The following OOEP variants were observed in gnomAD, a reference collection of about 807,000 sequenced individuals.
OOEP encodes oocyte-expressed protein homolog.
Under a neutral mutation model 13.7 loss-of-function variants are expected in OOEP, and 16 were observed. The observed-to-expected ratio is 1.16, with a 90% CI of 0.79 to 1.77. The LOEUF (loss-of-function observed/expected upper bound fraction) is 1.77, where lower values mean the gene tolerates loss of function less well. OOEP is among the 40% of genes most tolerant of loss of function. The pLI is 0.00. For missense variants in OOEP, 195 were observed against 193.1 expected (o/e 1.01, Z -0.06); for synonymous variants, 89 against 77.1 (o/e 1.15, Z -0.81).
At chr6:73,381,792 C>T (rs1008831730) in intron 2 of OOEP, among the ~76,000 whole-genome samples, 1 of 152,092 alleles carries the variant, frequency 6.6e-6, no homozygotes, top group African/African-American at 2.4e-5. Flanking sequence ...ACCAGCCTGG[C>T]CGACATGGCG....
chr6:73,394,974 G>A, exon 1 of OOEP: 1 of 1,614,274 alleles, frequency 6.2e-7, no homozygotes, highest in South Asian at 1.1e-5. Flanking sequence ...GCTCGACAGT[G>A]TCCCGAGCGC....
intron 2 of OOEP, among the ~76,000 whole-genome samples, chr6:73,390,581 C>CTTTT (rs1174507865): frequency 2.2e-5 from 3 of 135,940 alleles, no homozygotes; most frequent in Non-Finnish European, 3.2e-5. Context: ...TACCCAAAAA[C>CTTTT]TTTTTTTTTT....
chr6:73,388,106 A>C (rs1260911013), intron 2 of OOEP, among the ~76,000 whole-genome samples: 1 of 152,168 alleles, frequency 6.6e-6, no homozygotes, highest in African/African-American at 2.4e-5. Flanking sequence ...CAAACTCCTG[A>C]TCTCAGGTGA....
exon 2 of OOEP, chr6:73,394,479 C>T (rs1057081547): frequency 1.5e-5 from 10 of 653,650 alleles, no homozygotes; most frequent in Admixed American, 1.4e-4. Flanking sequence ...AACACGGCGA[C>T]ACCCCGTCTC....
chr6:73,383,004 T>G (rs1329627914), intron 2 of OOEP, among the ~76,000 whole-genome samples: 1 of 151,918 alleles, frequency 6.6e-6, no homozygotes, highest in African/African-American at 2.4e-5. Flanking sequence ...GCACGTCTAA[T>G]TTTTGTATTT....
intron 2 of OOEP, among the ~76,000 whole-genome samples, chr6:73,381,318 C>T (rs1254745724): frequency 6.6e-6 from 1 of 151,130 alleles, no homozygotes; most frequent in Non-Finnish European, 1.5e-5. Flanking sequence ...AGTTCACTCA[C>T]AAGATTTGGA....
At chr6:73,388,312 G>GACA (rs67145431) in intron 2 of OOEP, among the ~76,000 whole-genome samples, 3 of 152,162 alleles carry the variant, frequency 2.0e-5, no homozygotes, top group Non-Finnish European at 4.4e-5. Flanking sequence ...TAACAACATG[G>GACA]ATGTTTATTA....
chr6:73,369,939 G>A, upstream of OOEP: 1 of 671,538 alleles, frequency 1.5e-6, no homozygotes, highest in Non-Finnish European at 2.5e-6. Flanking sequence ...GGGTGAGCGG[G>A]TGCAAGCGAC....
chr6:73,379,414 C>T lies in OOEP; in HGVS notation c.26-10029G>A, dbSNP rs775790468. On this transcript the variant is annotated intron_variant, in intron 2 of 3. Transcript: ENST00000370363. ...AATCCCAGCACTTTGGAGGCCAAGG[C>T]GGGTGGATCACTTGAGGTTAGAAGT... Among the ~76,000 whole-genome samples, 186 of 151,192 alleles carry T rather than the reference C, an allele frequency of 1.2e-3. 1 individual carries two copies. The highest frequency in any genetic ancestry group is 3.4e-3 in the Middle Eastern group (1 of 294).
At chr6:73,385,018 T>G (rs1769249621) in intron 2 of OOEP, among the ~76,000 whole-genome samples, 2 of 149,604 alleles carry the variant, frequency 1.3e-5, no homozygotes, top group Non-Finnish European at 3.0e-5. Context: ...ATTACAGGTG[T>G]AGCCACCACA....
At chr6:73,370,608 G>A (rs1000941999), upstream of OOEP, among the ~76,000 whole-genome samples, 1 of 152,106 alleles carries the variant, frequency 6.6e-6, no homozygotes, top group African/African-American at 2.4e-5. Flanking sequence ...TATTACTCAA[G>A]CATCTTTCCT....
At chr6:73,383,471 A>T (rs1458311069) in intron 2 of OOEP, among the ~76,000 whole-genome samples, 5 of 152,168 alleles carry the variant, frequency 3.3e-5, no homozygotes, top group Admixed American at 2.6e-4. Flanking sequence ...CCCCATCTCT[A>T]CTAAAAATAC....
intron 2 of OOEP, among the ~76,000 whole-genome samples, chr6:73,381,868 C>G (rs992408712): frequency 6.6e-6 from 1 of 152,068 alleles, no homozygotes; most frequent in East Asian, 1.9e-4. Flanking sequence ...GTAAACCCAG[C>G]TACTTGGGAG....
intron 2 of OOEP, among the ~76,000 whole-genome samples, chr6:73,386,227 G>A (rs185694259): frequency 9.7e-4 from 147 of 151,990 alleles, no homozygotes; most frequent in African/African-American, 3.2e-3. Flanking sequence ...CCTGAGTAGC[G>A]GGGATTACAG....
upstream of OOEP, chr6:73,373,299 G>A (rs931752173): frequency 2.7e-5 from 42 of 1,564,490 alleles, no homozygotes; most frequent in South Asian, 1.9e-4. Context: ...CCACGATGGC[G>A]GAGAAAGGAA....
At chr6:73,372,172 A>G (rs1769068022), upstream of OOEP, among the ~76,000 whole-genome samples, 1 of 152,170 alleles carries the variant, frequency 6.6e-6, no homozygotes, top group Admixed American at 6.5e-5. Flanking sequence ...GTAGACAAAG[A>G]ATATTTTACC....
At chr6:73,369,497 AC>A in intron 1 of OOEP, 105 bp downstream of exon 1, 1 of 1,496,062 alleles carries the variant, frequency 6.7e-7, no homozygotes, top group South Asian at 1.2e-5. Context: ...CATCACTGCA[AC>A]ACTCCTGGCT....
Position 73,386,977 on chromosome 6 carries a change from G to GAA in OOEP, c.25+7367_25+7368dup, listed in dbSNP as rs1169476638. 9.4e-3 allele frequency among the ~76,000 whole-genome samples: 291 copies of GAA among 30,874 alleles called. 51 individuals carry two copies. Among genetic ancestry groups the GAA allele is most frequent in the Non-Finnish European group, 0.013 (230 of 17,376 alleles). The allele number at this position is 30,874 out of a possible 152,430, so 20.3% of individuals were successfully genotyped here. ...GAGTTAAGGGCAAAATTCCATCTCA[G>GAA]AAAAAAAAAAAAAAAAAAAAAAAAA... On this transcript the variant is annotated intron_variant, in intron 2 of 3. Coordinates refer to the OOEP transcript ENST00000370363.
intron 2 of OOEP, among the ~76,000 whole-genome samples, chr6:73,383,349 CA>C (rs1444131090): frequency 5.3e-5 from 8 of 152,190 alleles, no homozygotes; most frequent in African/African-American, 1.7e-4. Flanking sequence ...AAAATCAATG[CA>C]GGGGCCGGGC....
Sources: allele counts gnomAD v4.1 joint callset (sites outside exome capture counted in the v4.1 genomes callset), GRCh38; gene constraint gnomAD v4.1.1; transcripts MANE v1.5; gene names NCBI Gene and HGNC (gene_info 2026-07-23, HGNC 2026-07-21).